Variants in KSR2 observed in about 807,000 individuals in gnomAD.
KSR2 encodes the protein kinase suppressor of ras 2.
A neutral mutation model predicts 107.8 loss-of-function variants in KSR2; 25 were observed. The ratio of observed to expected loss-of-function variants is 0.23; its 90% CI spans 0.17 to 0.32. The LOEUF is 0.32. Among genes scored for constraint, KSR2 ranks in the 10% least tolerant of loss-of-function variants. The probability of loss-of-function intolerance (pLI) is 1.00; values close to 1 mark genes in which losing one functional copy is unlikely to be tolerated. For missense variants in KSR2, 887 were observed against 1,268.9 expected, an observed-to-expected ratio of 0.70 and a Z score of 4.57; for synonymous variants, 480 against 507.0, an observed-to-expected ratio of 0.95 and a Z score of 0.71.
rs759265341 is a variant in KSR2 at position 117,667,511 on chromosome 12, G to A, written c.1134C>T (p.Ser378=). The stretch of plus-strand genomic sequence containing the variant: ...TGGCCTCAGTGTGAACAGGAGGGGT[G>A]GAAGGCAGGAAAGGTGCGTGTCCCA... The part of the protein sequence containing the change: ...FFVGHAPFLP[S]TPPVHTEANF... The change falls in exon 5 of 20, where the codon TCC becomes TCT. Residue 378 remains serine (S), a synonymous_variant. Coordinates refer to ENST00000339824, the MANE Select transcript of KSR2 (RefSeq NM_173598.6). The A allele has an allele frequency of 1.2e-6, 2 of 1,612,432 alleles. No individual in the cohort carries two copies. The highest frequency in any genetic ancestry group is 8.5e-7 in the Non-Finnish European group (1 of 1,179,568).
chr12:117,721,173 C>T (rs1887191133), intron 4 of KSR2, among the ~76,000 whole-genome samples: 1 of 152,168 alleles, frequency 6.6e-6, no homozygotes, highest in African/African-American at 2.4e-5. Context: ...CTACTAGTAA[C>T]ACCAAACCTC....
At chr12:117,749,528 T>C (rs969094060) in intron 4 of KSR2, among the ~76,000 whole-genome samples, 5 of 152,084 alleles carry the variant, frequency 3.3e-5, no homozygotes, top group Non-Finnish European at 5.9e-5. Flanking sequence ...CTGTAAATAA[T>C]AAGGGACTGC....
chr12:117,794,071 TACACCAACATGCACACTC>T (rs1336850781), intron 3 of KSR2, among the ~76,000 whole-genome samples: 964 of 48,344 alleles, frequency 0.02, 54 homozygotes, highest in Admixed American at 0.059. Flanking sequence ...CATGCACACA[TACACCAACATGCACACTC>T]ACACCAACAT....
intron 1 of KSR2, among the ~76,000 whole-genome samples, chr12:117,936,521 TTATTATTATTATTAG>T (rs1240185605): frequency 0.01 from 475 of 46,722 alleles, 1 homozygote; most frequent in African/African-American, 0.028. Flanking sequence ...TTTATTATTA[TTATTATTATTATTAG>T]TAGTAGTAGT....
chr12:117,636,352 T>C (rs1479645857), intron 5 of KSR2, among the ~76,000 whole-genome samples: 2 of 150,762 alleles, frequency 1.3e-5, no homozygotes, highest in East Asian at 1.9e-4. Flanking sequence ...AATATATATA[T>C]ATATATATGG....
rs59662300 is a variant in KSR2 at position 117,956,249 on chromosome 12, CAAAAAAAAA to C, written c.180+11818_180+11826del. On this transcript the variant is annotated intron_variant, in intron 1 of 19. Transcript: ENST00000339824. ...TGGGCGACAGAGCAAGACTCTGTCT[CAAAAAAAAA>C]AAAAAAAAAAAAAAAAAAAATTATC... Among the ~76,000 whole-genome samples the C allele has an allele frequency of 1.9e-4, 9 of 47,512 alleles. 1 individual carries two copies. The East Asian group carries it at 3.8e-3, about 20-fold the overall frequency. The allele number at this position is 47,512 out of a possible 152,430, so 31.2% of individuals were successfully genotyped here.
At chr12:117,480,476 G>T (rs1872111627) in intron 16 of KSR2, among the ~76,000 whole-genome samples, 1 of 152,160 alleles carries the variant, frequency 6.6e-6, no homozygotes, top group Non-Finnish European at 1.5e-5. Flanking sequence ...TGGCATGACA[G>T]CACTGGCATC....
intron 3 of KSR2, among the ~76,000 whole-genome samples, chr12:117,823,648 G>A (rs1013624486): frequency 6.6e-6 from 1 of 152,164 alleles, no homozygotes; most frequent in African/African-American, 2.4e-5. Flanking sequence ...AGAGGTAGGA[G>A]GAAGACCAGG....
At chr12:117,682,809 G>C (rs1006681608) in intron 4 of KSR2, among the ~76,000 whole-genome samples, 3 of 152,162 alleles carry the variant, frequency 2.0e-5, no homozygotes, top group Admixed American at 6.5e-5. Flanking sequence ...ACGGCAGCAA[G>C]AATGGAATTG....
At chr12:117,510,590 C>T (rs755648963) in intron 14 of KSR2, among the ~76,000 whole-genome samples, 5 of 152,170 alleles carry the variant, frequency 3.3e-5, no homozygotes, top group South Asian at 2.1e-4. Flanking sequence ...ACAATGTCTG[C>T]GACAGGCCGG....
intron 3 of KSR2, among the ~76,000 whole-genome samples, chr12:117,849,414 G>T (rs1361719951): frequency 6.6e-6 from 1 of 152,206 alleles, no homozygotes; most frequent in Non-Finnish European, 1.5e-5. Flanking sequence ...TTCGTTGAAT[G>T]AGTGAATAAT....
intron 1 of KSR2, chr12:117,889,536 G>A (rs1894278321): frequency 6.6e-6 from 1 of 152,238 alleles, no homozygotes; most frequent in East Asian, 1.9e-4. Flanking sequence ...TTGAAAGAGT[G>A]TGACTATTTT....
At chr12:117,595,658 C>A (rs919392690) in intron 5 of KSR2, among the ~76,000 whole-genome samples, 2 of 152,206 alleles carry the variant, frequency 1.3e-5, no homozygotes, top group Non-Finnish European at 1.5e-5. Flanking sequence ...CCACCGCGCC[C>A]GGCCCTGCTA....
chr12:117,779,894 T>C (rs893299007), intron 3 of KSR2, among the ~76,000 whole-genome samples: 6 of 152,156 alleles, frequency 3.9e-5, no homozygotes, highest in Non-Finnish European at 8.8e-5. Context: ...GTTGCTATCA[T>C]TAGTAGTAAT....
In KSR2 at chr12:117,793,035, C is replaced by A. The variant is rs994694739; in HGVS notation, c.473-31511G>T. On this transcript the variant is annotated intron_variant, in intron 3 of 19. Transcript: ENST00000339824. ...CAGTACGCACTCTCACATCAACATG[C>A]ACACACGCTCACATCAACATGCACA... Among the ~76,000 whole-genome samples the A allele has an allele frequency of 4.1e-5, 6 of 147,476 alleles. No homozygotes were observed. The South Asian group carries it at 6.6e-4, about 16-fold the overall frequency.
chr12:117,665,491 G>A (rs1884622206), intron 5 of KSR2, among the ~76,000 whole-genome samples: 1 of 152,204 alleles, frequency 6.6e-6, no homozygotes, highest in African/African-American at 2.4e-5. Flanking sequence ...ACAGATGGCT[G>A]TTAGAGGCAG....
intron 16 of KSR2, among the ~76,000 whole-genome samples, chr12:117,483,396 A>T (rs568672576): frequency 5.3e-5 from 8 of 151,264 alleles, no homozygotes; most frequent in East Asian, 1.9e-4. Context: ...TAAATAAAAT[A>T]AAAAAAAATC....
At chr12:117,818,160 T>A (rs1029025250) in intron 3 of KSR2, among the ~76,000 whole-genome samples, 1 of 151,494 alleles carries the variant, frequency 6.6e-6, no homozygotes, top group African/African-American at 2.4e-5. Context: ...AAATCAGAGG[T>A]AGAGAGTAGA....
chr12:117,905,162 A>C (rs1198454276), intron 1 of KSR2, among the ~76,000 whole-genome samples: 1 of 152,206 alleles, frequency 6.6e-6, no homozygotes, highest in Non-Finnish European at 1.5e-5. Context: ...AGCCTGGGTG[A>C]CAGAGCGAGA....
Sources: gnomAD v4.1 joint callset for allele counts (sites outside exome capture counted in the v4.1 genomes callset) on GRCh38, gnomAD v4.1.1 for gene constraint, MANE v1.5 for transcripts, NCBI Gene and HGNC (gene_info 2026-07-23, HGNC 2026-07-21) for gene names.